Variants in PARP14 observed in about 807,000 individuals in gnomAD.
PARP14 encodes the protein poly(ADP-ribose) polymerase family member 14, also known as protein mono-ADP-ribosyltransferase PARP14.
In PARP14, 59 loss-of-function variants were observed where a neutral mutation model predicts 154.2. The observed-to-expected ratio is 0.38, with a 90% CI of 0.31 to 0.48. The LOEUF is 0.48. Ranked by LOEUF, PARP14 falls within the 20% of genes least tolerant of loss-of-function variation. The pLI, the probability that PARP14 is intolerant of heterozygous loss-of-function variation, is 0.98. For synonymous variants in PARP14, 720 were observed against 780.5 expected (o/e 0.92, Z 1.29); for missense variants, 1,734 against 2,131.6 (o/e 0.81, Z 3.67).
chr3:122,688,766 C>T (rs1256943122), intron 3 of PARP14, among the ~76,000 whole-genome samples: 3 of 152,206 alleles, frequency 2.0e-5, no homozygotes. Flanking sequence ...CCACAACCAA[C>T]GCCACCAACC....
chr3:122,704,846 C>T (rs1231946111), intron 8 of PARP14, 98 bp downstream of exon 8: 1 of 657,262 alleles, frequency 1.5e-6, no homozygotes, highest in South Asian at 2.1e-5. Context: ...CATTCATTTC[C>T]CCATTCAGGA....
chr3:122,687,517 C>A (rs1938410788), intron 3 of PARP14, among the ~76,000 whole-genome samples: 1 of 152,210 alleles, frequency 6.6e-6, no homozygotes, highest in Admixed American at 6.5e-5. Flanking sequence ...TGTGAGGGTG[C>A]TGTGCTCTGG....
chr3:122,694,919 A>T (rs1472353480), intron 4 of PARP14, among the ~76,000 whole-genome samples: 1 of 152,240 alleles, frequency 6.6e-6, no homozygotes, highest in Admixed American at 6.5e-5. Flanking sequence ...GAAATTGTAT[A>T]CACAAAGACC....
intron 15 of PARP14, chr3:122,721,046 T>C (rs1428962979): frequency 9.1e-6 from 3 of 328,678 alleles, no homozygotes; most frequent in Non-Finnish European, 1.8e-5. Context: ...AAAATTATTA[T>C]GATTTTTTTT....
chr3:122,706,411 A>G (rs1939151271), intron 8 of PARP14, among the ~76,000 whole-genome samples: 1 of 152,210 alleles, frequency 6.6e-6, no homozygotes, highest in African/African-American at 2.4e-5. Flanking sequence ...TGGCCTCTAG[A>G]TGTGCTTTAT....
intron 4 of PARP14, among the ~76,000 whole-genome samples, chr3:122,694,189 T>C (rs938136500): frequency 6.6e-6 from 1 of 152,148 alleles, no homozygotes; most frequent in Non-Finnish European, 1.5e-5. Context: ...CTGTGGGAAA[T>C]GGGAGGAAAG....
chr3:122,727,410 C>T (rs1246825830), intron 15 of PARP14, among the ~76,000 whole-genome samples: 1 of 152,174 alleles, frequency 6.6e-6, no homozygotes, highest in Non-Finnish European at 1.5e-5. Flanking sequence ...TGTTAGTACA[C>T]AACTAGGTCA....
chr3:122,709,900 T>TTTG (rs71270424), intron 9 of PARP14, among the ~76,000 whole-genome samples: 12,812 of 150,720 alleles, frequency 0.085, 647 homozygotes, highest in East Asian at 0.13. Flanking sequence ...TTGTTTTTTT[T>TTTG]TTTGTTTGTT....
intron 2 of PARP14, among the ~76,000 whole-genome samples, chr3:122,685,899 C>T (rs996794124): frequency 6.6e-6 from 1 of 152,102 alleles, no homozygotes; most frequent in African/African-American, 2.4e-5. Context: ...AATTTGGGGT[C>T]TGTGTCTCCA....
At chr3:122,694,628 T>C (rs1045976498) in intron 4 of PARP14, among the ~76,000 whole-genome samples, 15 of 152,176 alleles carry the variant, frequency 9.9e-5, no homozygotes, top group Non-Finnish European at 1.6e-4. Context: ...CAAGTGATTC[T>C]CCTGCCTCAA....
chr3:122,726,583 A>T (rs1933292920), intron 15 of PARP14, among the ~76,000 whole-genome samples: 1 of 152,180 alleles, frequency 6.6e-6, no homozygotes, highest in African/African-American at 2.4e-5. Context: ...GCTAATAATA[A>T]ACCTACTAAA....
chr3:122,702,959 C>T (rs1939022486), intron 6 of PARP14, among the ~76,000 whole-genome samples: 1 of 144,868 alleles, frequency 6.9e-6, no homozygotes, highest in Non-Finnish European at 1.5e-5. Context: ...CCACTGCCCT[C>T]CAGCCTGGGT....
intron 8 of PARP14, 43 bp downstream of exon 8, chr3:122,704,791 T>G: frequency 1.8e-6 from 2 of 1,099,494 alleles, no homozygotes; most frequent in South Asian, 3.0e-5. Context: ...AACTGAGACC[T>G]AGTGTTTTTT....
At chr3:122,711,793 C>T (rs1004765395) in intron 9 of PARP14, among the ~76,000 whole-genome samples, 24 of 151,982 alleles carry the variant, frequency 1.6e-4, no homozygotes, top group Admixed American at 1.6e-3. Context: ...GTTTCTGTTT[C>T]TTTCTGATTT....
rs142424301 is a variant in PARP14 at position 122,714,491 on chromosome 3, G to T, written c.4000+62G>T. 2.2e-6 allele frequency: 3 copies of T among 1,364,610 alleles called. No homozygotes were observed. The East Asian group carries it at 7.2e-5, about 33-fold the overall frequency. 84.5% of individuals were successfully genotyped at this position (1,364,610 alleles called of 1,614,324 possible). On this transcript the variant is annotated intron_variant, in intron 12 of 16. Coordinates refer to ENST00000474629, the MANE Select transcript of PARP14 (RefSeq NM_017554.3). Reference sequence around the variant, plus strand: ...CCATCTACTTTCCCTTTCATTTGGAGCTGAGTGTGAATGCGGTCAGTGCTG... The same window carrying T: ...CCATCTACTTTCCCTTTCATTTGGATCTGAGTGTGAATGCGGTCAGTGCTG...
chr3:122,728,795 G>A lies in PARP14; in HGVS notation c.*198G>A. ...TTATTATCTTGAGAGCAAATAACTT[G>A]GAAAATTTAAATGAGATAATGCAGT... On this transcript the variant is annotated 3_prime_UTR_variant, in exon 17 of 17. Transcript: ENST00000474629. The A allele has an allele frequency of 1.3e-5, 7 of 540,246 alleles. No individual in the cohort carries two copies. The highest frequency in any genetic ancestry group is 6.2e-5 in the East Asian group (2 of 32,256). The allele number at this position is 540,246 out of a possible 1,614,324, so 33.5% of individuals were successfully genotyped here.
intron 8 of PARP14, among the ~76,000 whole-genome samples, chr3:122,707,836 A>AT (rs1013458249): frequency 6.6e-6 from 1 of 152,162 alleles, no homozygotes; most frequent in African/African-American, 2.4e-5. Context: ...TGAAAATACG[A>AT]TTTTTAATGG....
At position 122,718,092 on chromosome 3, in the gene PARP14, A is replaced by G. The variant is rs1189581987; in HGVS notation, c.4022A>G (p.Asp1341Gly). Residue 1341 changes from aspartate to glycine, a missense_variant, in exon 13 of 17, where the codon GAT (aspartate) becomes GGT (glycine). Around this residue, in one of 2 missense-constraint regions of PARP14, gnomAD observed 1,646 missense variants for 1,976.0 expected, o/e 0.83. Transcript: ENST00000474629. ...IGTGNAKQHP[D>G]KVAEAIIDAI... ...CCAGGAAATGCCAAACAACACCCAG[A>G]TAAGGTTGCTGAAGCCATAATTGAT... 5.0e-6 allele frequency: 8 copies of G among 1,613,844 alleles called. No individual in the cohort carries two copies. Among genetic ancestry groups the G allele is most frequent in the Non-Finnish European group, 6.8e-6 (8 of 1,179,798 alleles).
At position 122,730,234 on chromosome 3, in the gene PARP14, A is replaced by C. The variant is rs1328837130; in HGVS notation, c.*1637A>C. The C allele has an allele frequency of 6.6e-6, 1 of 152,230 alleles. No individual in the cohort carries two copies. Among genetic ancestry groups the C allele is most frequent in the Non-Finnish European group, 1.5e-5 (1 of 68,040 alleles). 9.4% of individuals were successfully genotyped at this position (152,230 alleles called of 1,614,324 possible). A position where few individuals can be genotyped will look rare whatever the true frequency, so the allele number is the denominator to read the frequency against. ...CAAGCCCATTGCTCTCCCACTGCAGAACATGGCCTCTAGATTAATGCCACC... is the reference window on the plus strand; with the variant it reads ...CAAGCCCATTGCTCTCCCACTGCAGCACATGGCCTCTAGATTAATGCCACC... On this transcript the variant is annotated 3_prime_UTR_variant, in exon 17 of 17. Transcript: ENST00000474629.
Sources: allele counts gnomAD v4.1 joint callset (sites outside exome capture counted in the v4.1 genomes callset), GRCh38; gene constraint gnomAD v4.1.1; regional missense constraint gnomAD v4.1.1; transcripts MANE v1.5; gene names NCBI Gene and HGNC (gene_info 2026-07-23, HGNC 2026-07-21).